Variants in SPICE1 observed in about 807,000 individuals in gnomAD.
SPICE1 encodes spindle and centriole-associated protein 1.
In SPICE1, 75 loss-of-function variants were observed where a neutral mutation model predicts 102.7. That is an observed-to-expected ratio of 0.73 (90% CI 0.61 to 0.88). The LOEUF (loss-of-function observed/expected upper bound fraction) is 0.88. Ranked by LOEUF, SPICE1 falls within the 40% of genes least tolerant of loss-of-function variation. The probability of loss-of-function intolerance (pLI) is 0.00; values close to 1 mark genes in which losing one functional copy is unlikely to be tolerated. For synonymous variants in SPICE1, 308 were observed against 350.3 expected, an observed-to-expected ratio of 0.88 and a Z score of 1.35; for missense variants, 979 against 1,020.1, an observed-to-expected ratio of 0.96 and a Z score of 0.55.
chr3:113,506,002 C>T (rs2107507119), intron 2 of SPICE1, among the ~76,000 whole-genome samples: 1 of 152,230 alleles, frequency 6.6e-6, no homozygotes. Context: ...TTGTCTTATA[C>T]CACAAGAGAA....
chr3:113,465,284 T>C lies in SPICE1; in HGVS notation c.1287+369A>G, dbSNP rs76429505. 9.2e-3 allele frequency among the ~76,000 whole-genome samples: 1,401 copies of C among 152,290 alleles called. 23 individuals carry two copies. Among genetic ancestry groups the C allele is most frequent in the African/African-American group, 0.032 (1,318 of 41,546 alleles). On this transcript the variant is annotated intron_variant, in intron 11 of 17. Transcript: ENST00000295872. ...ACAACTGTAAATGGCTCTGATATAA[T>C]TGCAAAAGGACTCCTCAAAGGCTAC...
At chr3:113,466,373 C>T (rs569627277) in intron 10 of SPICE1, among the ~76,000 whole-genome samples, 23 of 152,068 alleles carry the variant, frequency 1.5e-4, no homozygotes, top group African/African-American at 5.1e-4. Context: ...ATTGGGAGGC[C>T]AAGGCAGGCA....
chr3:113,457,060 G>T, intron 13 of SPICE1, 76 bp downstream of exon 13: 4 of 1,396,270 alleles, frequency 2.9e-6, no homozygotes, highest in African/African-American at 1.4e-5. Flanking sequence ...TGTTTTTCAT[G>T]TAATGGTGAA....
chr3:113,505,735 T>C (rs544949185), intron 2 of SPICE1, among the ~76,000 whole-genome samples: 313 of 152,218 alleles, frequency 2.1e-3, no homozygotes, highest in Non-Finnish European at 3.5e-3. Flanking sequence ...GACCTGTCTC[T>C]ACAAAAAATA....
intron 10 of SPICE1, among the ~76,000 whole-genome samples, chr3:113,466,291 T>C (rs1033532496): frequency 6.6e-6 from 1 of 152,184 alleles, no homozygotes; most frequent in Non-Finnish European, 1.5e-5. Context: ...TTTAACTTTG[T>C]AAAACAAGTG....
In SPICE1 at chr3:113,465,760, C is replaced by T; in HGVS notation, c.1180G>A (p.Val394Ile). ...KESEIQLRKEVETRQQLEQVL... is the reference protein window; with the variant it reads ...KESEIQLRKEIETRQQLEQVL... ...TGTTCCAGTTGTTGCCTTGTCTCTA[C>T]TTCTTTACGTAGCTGGATCTCACTC... is the stretch of plus-strand genomic sequence containing the variant. Residue 394 changes from valine (V) to isoleucine (I), a missense_variant, in exon 11 of 18, where the codon GTA (valine) becomes ATA (isoleucine). By Grantham distance (29) the Val-to-Ile change is conservative. Transcript: ENST00000295872. The T allele has an allele frequency of 6.2e-7, 1 of 1,613,622 alleles. No individual in the cohort carries two copies.
At chr3:113,486,068 G>A (rs1001085199) in intron 7 of SPICE1, among the ~76,000 whole-genome samples, 91 of 151,740 alleles carry the variant, frequency 6.0e-4, no homozygotes, top group African/African-American at 2.1e-3. Flanking sequence ...CCAAGATGGC[G>A]ACACTGCACT....
chr3:113,467,355 G>T (rs144508955), intron 10 of SPICE1, among the ~76,000 whole-genome samples: 3 of 152,056 alleles, frequency 2.0e-5, no homozygotes, highest in Non-Finnish European at 4.4e-5. Context: ...GCAGTGGCGC[G>T]ATCTCGGCTC....
chr3:113,486,652 T>A (rs1264417097), intron 7 of SPICE1, among the ~76,000 whole-genome samples: 3 of 151,738 alleles, frequency 2.0e-5, no homozygotes, highest in Non-Finnish European at 2.9e-5. Context: ...CCAGGATATA[T>A]CATTAAGTGG....
chr3:113,460,570 C>A, intron 12 of SPICE1, 47 bp downstream of exon 12: 1 of 1,555,904 alleles, frequency 6.4e-7, no homozygotes, highest in Non-Finnish European at 8.6e-7. Context: ...TTATCTAAGG[C>A]CATTAAGTAG....
chr3:113,445,297 T>C lies in SPICE1; in HGVS notation c.*10A>G. 1 of 1,609,128 alleles carries C rather than the reference T, an allele frequency of 6.2e-7. No homozygotes were observed. Among genetic ancestry groups the C allele is most frequent in the Non-Finnish European group, 8.5e-7 (1 of 1,176,538 alleles). On this transcript the variant is annotated 3_prime_UTR_variant, in exon 18 of 18. Transcript: ENST00000295872. ...TTATTAAGAACAAACTCAGTGAGAC[T>C]TGACTTCACTTATGATACATGGGTA...
intron 2 of SPICE1, 24 bp from the exon 3 acceptor site, chr3:113,503,251 TTAA>T: frequency 1.3e-6 from 2 of 1,544,540 alleles, no homozygotes; most frequent in Admixed American, 2.2e-5. Context: ...TGGCCTTTCT[TTAA>T]AAAAAAAAAA....
At chr3:113,497,688 GA>G (rs1936922531) in intron 4 of SPICE1, among the ~76,000 whole-genome samples, 1 of 90,362 alleles carries the variant, frequency 1.1e-5, no homozygotes, top group East Asian at 2.8e-4. Flanking sequence ...TACATAGAGA[GA>G]GAGAGAGAGA....
chr3:113,492,760 A>G (rs1235050093), intron 6 of SPICE1, among the ~76,000 whole-genome samples: 1 of 152,220 alleles, frequency 6.6e-6, no homozygotes, highest in East Asian at 1.9e-4. Flanking sequence ...ACCCAGATAT[A>G]TTAAGAAATC....
intron 2 of SPICE1, among the ~76,000 whole-genome samples, chr3:113,504,826 A>G (rs1937077534): frequency 6.6e-6 from 1 of 152,196 alleles, no homozygotes; most frequent in Non-Finnish European, 1.5e-5. Context: ...TATTTTTATC[A>G]AGACAGTAAT....
chr3:113,466,438 C>T (rs1936058417), intron 10 of SPICE1, among the ~76,000 whole-genome samples: 1 of 151,832 alleles, frequency 6.6e-6, no homozygotes, highest in East Asian at 1.9e-4. Context: ...AATGAAACCC[C>T]GTCTCTACTA....
At chr3:113,511,321 T>G (rs1937217431) in intron 1 of SPICE1, among the ~76,000 whole-genome samples, 1 of 152,214 alleles carries the variant, frequency 6.6e-6, no homozygotes, top group Admixed American at 6.5e-5. Context: ...ATATGTTCAC[T>G]GCAGCACTAT....
chr3:113,488,222 GCT>G (rs1936688718), intron 7 of SPICE1, among the ~76,000 whole-genome samples: 1 of 152,124 alleles, frequency 6.6e-6, no homozygotes, highest in South Asian at 2.1e-4. Flanking sequence ...CTGAATGAAT[GCT>G]CTTTTTCTTG....
chr3:113,446,031 T>C (rs540455575), intron 17 of SPICE1, among the ~76,000 whole-genome samples: 1 of 152,322 alleles, frequency 6.6e-6, no homozygotes, highest in African/African-American at 2.4e-5. Context: ...AAATGCCTTC[T>C]GCAAAAATTT....
Sources: gnomAD v4.1 joint callset for allele counts (sites outside exome capture counted in the v4.1 genomes callset) on GRCh38, gnomAD v4.1.1 for gene constraint, MANE v1.5 for transcripts, NCBI Gene and HGNC (gene_info 2026-07-23, HGNC 2026-07-21) for gene names.